PCDHGA12: variants seen among roughly 807,000 people sequenced by gnomAD.
PCDHGA12 encodes the protein protocadherin gamma-A12.
PCDHGA12 carries 43 observed loss-of-function variants against 61.1 expected under a neutral mutation model. The ratio of observed to expected loss-of-function variants is 0.70; its 90% CI spans 0.55 to 0.91. The LOEUF is 0.91. PCDHGA12 is among the 40% of genes least tolerant of loss of function. The pLI is 0.00. For missense variants in PCDHGA12, 1,236 were observed against 1,227.7 expected, an observed-to-expected ratio of 1.01 and a Z score of -0.10; for synonymous variants, 520 against 542.9, an observed-to-expected ratio of 0.96 and a Z score of 0.59.
intron 1 of PCDHGA12, among the ~76,000 whole-genome samples, chr5:141,437,781 A>G (rs957126405): frequency 7.3e-5 from 11 of 149,878 alleles, no homozygotes; most frequent in Admixed American, 6.7e-5. Flanking sequence ...ATCTGTCGCC[A>G]AGCTGGAGTG....
chr5:141,437,076 A>T (rs1018228245), intron 1 of PCDHGA12, among the ~76,000 whole-genome samples: 2 of 152,236 alleles, frequency 1.3e-5, no homozygotes, highest in African/African-American at 4.8e-5. Context: ...TTTGGGCCAT[A>T]TAAGAATTGA....
intron 1 of PCDHGA12, among the ~76,000 whole-genome samples, chr5:141,463,179 A>G (rs1261927835): frequency 6.6e-6 from 1 of 152,082 alleles, no homozygotes; most frequent in Non-Finnish European, 1.5e-5. Context: ...GTATGCTCAG[A>G]TTATTATTTA....
chr5:141,501,508 C>A (rs1378333182), intron 2 of PCDHGA12, among the ~76,000 whole-genome samples: 1 of 151,960 alleles, frequency 6.6e-6, no homozygotes, highest in Non-Finnish European at 1.5e-5. Flanking sequence ...GGCTCCAAGG[C>A]CTCCAAGCTG....
chr5:141,448,505 T>C (rs1041076095), intron 1 of PCDHGA12, among the ~76,000 whole-genome samples: 24 of 152,172 alleles, frequency 1.6e-4, no homozygotes, highest in African/African-American at 5.8e-4. Flanking sequence ...AGGTAAACAT[T>C]TTATAACTTT....
intron 3 of PCDHGA12, among the ~76,000 whole-genome samples, chr5:141,506,012 T>C (rs2099850012): frequency 6.6e-6 from 1 of 152,208 alleles, no homozygotes; most frequent in Non-Finnish European, 1.5e-5. Context: ...CCTCTTTTGC[T>C]GCCCCTAACT....
At position 141,486,112 on chromosome 5, in the gene PCDHGA12, G is replaced by A; in HGVS notation, c.2425-8695G>A. ...TGGGGCCCCTAGACTTTGAGAGTGA[G>A]AATTACTATGAATTTGATGTGCGGG... On this transcript the variant is annotated intron_variant, in intron 1 of 3. Transcript: ENST00000252085. This position sits in a 1 kb window ranked among gnomAD's most constrained non-coding sequence, Gnocchi z 5.0. 1 of 1,614,166 alleles carries A rather than the reference G, an allele frequency of 6.2e-7. No homozygotes were observed. Among genetic ancestry groups the A allele is most frequent in the Non-Finnish European group, 8.5e-7 (1 of 1,180,024 alleles).
chr5:141,432,649 A>C lies in PCDHGA12; in HGVS notation c.1890A>C (p.Arg630=), dbSNP rs769351399. The C allele has an allele frequency of 5.6e-6, 9 of 1,613,742 alleles. No individual in the cohort carries two copies. The highest frequency in any genetic ancestry group is 6.8e-6 in the Non-Finnish European group (8 of 1,179,918). ...ACACGGGCGAGGTGCGCACGGCGCG[A>C]GCCCTGCTGGACAGAGACGCGCTCA... is the stretch of plus-strand genomic sequence containing the variant. ...GLHTGEVRTA[R]ALLDRDALKQ... The change falls in exon 1 of 4, where the codon CGA becomes CGC. Residue 630 remains arginine (R), a synonymous_variant. Transcript: ENST00000252085. This position sits in a 1 kb window ranked among gnomAD's most constrained non-coding sequence, Gnocchi z 6.0.
rs1333419586 is a variant in PCDHGA12 at position 141,485,206 on chromosome 5, C to T, written c.2425-9601C>T. 1 of 1,614,116 alleles carries T rather than the reference C, an allele frequency of 6.2e-7. No individual in the cohort carries two copies. The highest frequency in any genetic ancestry group is 8.5e-7 in the Non-Finnish European group (1 of 1,179,946). ...GCAAGGTGAGAAGCTGGACAGAAAT[C>T]TGGCGGTGGGCTACCCTTTTGTTCC... On this transcript the variant is annotated intron_variant, in intron 1 of 3. Coordinates refer to ENST00000252085, the MANE Select transcript of PCDHGA12 (RefSeq NM_003735.3). The surrounding 1 kb of genome is among the most constrained non-coding windows in gnomAD (Gnocchi z 5.7).
rs771408685 is a variant in PCDHGA12, at chr5:141,486,166, G to T, written c.2425-8641G>T. ...GCGATGGGGGTTCTCCAGCCATGGA[G>T]CAACATTGCAGCCTTCGAGTGGATC... is the stretch of plus-strand genomic sequence containing the variant. On this transcript the variant is annotated intron_variant, in intron 1 of 3. Transcript: ENST00000252085. The surrounding 1 kb of genome is among the most constrained non-coding windows in gnomAD (Gnocchi z 5.0). 1.9e-6 allele frequency: 3 copies of T among 1,614,106 alleles called. No homozygotes were observed. Among genetic ancestry groups the T allele is most frequent in the Non-Finnish European group, 2.5e-6 (3 of 1,180,048 alleles).
chr5:141,430,628 C>A lies in PCDHGA12; in HGVS notation c.-132C>A. ...CACAAAGCAGATAGCTAGGAATGAA[C>A]CATCCCTGGGAGTATGTGGAAACAA... is the stretch of plus-strand genomic sequence containing the variant. On this transcript the variant is annotated 5_prime_UTR_variant, in exon 1 of 4. Transcript: ENST00000252085. 2.5e-6 allele frequency: 2 copies of A among 798,952 alleles called. No individual in the cohort carries two copies. The highest frequency in any genetic ancestry group is 3.7e-6 in the Non-Finnish European group (2 of 540,750). 49.5% of individuals were successfully genotyped at this position (798,952 alleles called of 1,614,324 possible). A position where few individuals can be genotyped will look rare whatever the true frequency, so the allele number is the denominator to read the frequency against.
rs13178808 is a variant in PCDHGA12 at position 141,491,920 on chromosome 5, G to A, written c.2425-2887G>A. 1.2e-4 allele frequency: 164 copies of A among 1,356,270 alleles called. No individual in the cohort carries two copies. Among genetic ancestry groups the A allele is most frequent in the Non-Finnish European group, 1.5e-4 (155 of 1,015,194 alleles). The allele number at this position is 1,356,270 out of a possible 1,614,324, so 84.0% of individuals were successfully genotyped here. On this transcript the variant is annotated intron_variant, in intron 1 of 3. Transcript: ENST00000252085. This position sits in a 1 kb window ranked among gnomAD's most constrained non-coding sequence, Gnocchi z 6.9. ...ACCGGGGGTGGTGGCGACTGTGGGC[G>A]AGGGGAGGTGGGACCGACCCCCACC...
At chr5:141,509,454 G>T (rs1164813611) in intron 3 of PCDHGA12, among the ~76,000 whole-genome samples, 2 of 151,976 alleles carry the variant, frequency 1.3e-5, no homozygotes, top group African/African-American at 2.4e-5. Flanking sequence ...TCCCACCCCC[G>T]ACCCAGTCAG....
chr5:141,477,268 C>A lies in PCDHGA12; in HGVS notation c.2425-17539C>A, dbSNP rs2099408532. On this transcript the variant is annotated intron_variant, in intron 1 of 3. Transcript: ENST00000252085. This position sits in a 1 kb window ranked among gnomAD's most constrained non-coding sequence, Gnocchi z 4.9. ...TGACTGACCTGGATGCTGGCGAGAA[C>A]GGGCTGGTGACCTGCGAAGTTCCAC... 1.2e-6 allele frequency: 2 copies of A among 1,614,078 alleles called. No individual in the cohort carries two copies. Among genetic ancestry groups the A allele is most frequent in the Non-Finnish European group, 1.7e-6 (2 of 1,180,038 alleles).
At chr5:141,509,631 C>A (rs1250891268) in intron 3 of PCDHGA12, among the ~76,000 whole-genome samples, 1 of 152,200 alleles carries the variant, frequency 6.6e-6, no homozygotes, top group East Asian at 1.9e-4. Flanking sequence ...CTGGGTGATG[C>A]TGAGCCAGGG....
chr5:141,500,403 G>GT (rs2099800018), intron 2 of PCDHGA12, among the ~76,000 whole-genome samples: 1 of 151,706 alleles, frequency 6.6e-6, no homozygotes, highest in Non-Finnish European at 1.5e-5. Context: ...TAGAGACGGG[G>GT]TTTCACCGTG....
At chr5:141,449,380 G>C (rs1011160817) in intron 1 of PCDHGA12, among the ~76,000 whole-genome samples, 3 of 151,950 alleles carry the variant, frequency 2.0e-5, no homozygotes, top group African/African-American at 7.3e-5. Flanking sequence ...GCTGAGGCAG[G>C]TGGATTACTT....
At position 141,510,984 on chromosome 5, in the gene PCDHGA12, C is replaced by A. The variant is rs375865663; in HGVS notation, c.2610C>A (p.Ala870=). 6.2e-7 allele frequency: 1 copy of A among 1,614,162 alleles called. No individual in the cohort carries two copies. The highest frequency in any genetic ancestry group is 8.5e-7 in the Non-Finnish European group (1 of 1,180,012). The part of the protein sequence containing the change: ...ADGSSTLGGG[A]GTMGLSARYG... The stretch of plus-strand genomic sequence containing the variant: ...GGAGCTCCACCCTGGGAGGGGGTGC[C>A]GGCACCATGGGATTGAGCGCCCGCT... Residue 870 remains alanine, a synonymous_variant, in exon 4 of 4, where the codon GCC becomes GCA. Coordinates refer to ENST00000252085, the MANE Select transcript of PCDHGA12 (RefSeq NM_003735.3).
intron 1 of PCDHGA12, among the ~76,000 whole-genome samples, chr5:141,469,031 C>T (rs963001535): frequency 1.3e-5 from 2 of 152,070 alleles, no homozygotes; most frequent in Admixed American, 6.6e-5. Flanking sequence ...AATCCCAGCA[C>T]TTTGGGAGGC....
At position 141,431,965 on chromosome 5, in the gene PCDHGA12, T is replaced by G. The variant is rs765281339; in HGVS notation, c.1206T>G (p.Tyr402Ter). ...TAGAAAAATCTTACGGAAATTACTATAGTTTAGTCACAGACATAGTCTTGG... is the reference window on the plus strand; with the variant it reads ...TAGAAAAATCTTACGGAAATTACTAGAGTTTAGTCACAGACATAGTCTTGG... ...FKLEKSYGNYYSLVTDIVLDR... is the reference protein window; with the variant it reads ...FKLEKSYGNY Residue 402 changes from tyrosine to a stop codon, truncating the protein, a stop_gained, in exon 1 of 4, where the codon TAT becomes TAG. Coordinates refer to ENST00000252085, the MANE Select transcript of PCDHGA12 (RefSeq NM_003735.3). LOFTEE classifies it high-confidence loss of function. This position sits in a 1 kb window ranked among gnomAD's most constrained non-coding sequence, Gnocchi z 4.8. The G allele has an allele frequency of 1.2e-6, 2 of 1,614,216 alleles. No individual in the cohort carries two copies. Among genetic ancestry groups the G allele is most frequent in the East Asian group, 4.5e-5 (2 of 44,892 alleles).
Sources: gnomAD v4.1 joint callset for allele counts (sites outside exome capture counted in the v4.1 genomes callset) on GRCh38, gnomAD v4.1.1 for gene constraint, Gnocchi (gnomAD v3.1) non-coding constraint, MANE v1.5 for transcripts, NCBI Gene and HGNC (gene_info 2026-07-23, HGNC 2026-07-21) for gene names.